The following ELAVL2 variants were observed in gnomAD, a reference collection of about 807,000 sequenced individuals.
ELAVL2 encodes ELAV-like protein 2.
Under a neutral mutation model 34.6 loss-of-function variants are expected in ELAVL2, and 4 were observed. The observed-to-expected ratio is 0.12, with a 90% CI of 0.06 to 0.26. ELAVL2 has a LOEUF of 0.26. Among genes scored for constraint, ELAVL2 ranks in the 10% least tolerant of loss-of-function variants. ELAVL2 has a pLI of 1.00. For missense variants in ELAVL2, 432 were observed against 442.8 expected, an observed-to-expected ratio of 0.98 and a Z score of 0.22; for synonymous variants, 193 against 154.8, an observed-to-expected ratio of 1.25 and a Z score of -1.83.
chr9:23,841,418 CAG>C, the ELAVL2 span, among the ~76,000 whole-genome samples: 4 of 151,914 alleles, frequency 2.6e-5, no homozygotes, highest in Non-Finnish European at 4.4e-5. Context: ...CACCACCAGA[CAG>C]AGTTTTTACT....
chr9:23,784,282 T>C (rs1276333540), intron 1 of ELAVL2, among the ~76,000 whole-genome samples: 1 of 152,112 alleles, frequency 6.6e-6, no homozygotes, highest in Non-Finnish European at 1.5e-5. Context: ...GAGAGACATA[T>C]TAAACAAGCC....
chr9:23,734,259 G>T (rs974673810), intron 2 of ELAVL2, among the ~76,000 whole-genome samples: 35 of 152,124 alleles, frequency 2.3e-4, no homozygotes, highest in African/African-American at 8.4e-4. Context: ...TATATTAAGG[G>T]TATCGCAGAT....
At chr9:23,734,266 A>G (rs1264663612) in intron 2 of ELAVL2, among the ~76,000 whole-genome samples, 3 of 152,228 alleles carry the variant, frequency 2.0e-5, no homozygotes, top group Admixed American at 2.0e-4. Flanking sequence ...AGGGTATCGC[A>G]GATGATACCA....
intron 2 of ELAVL2, among the ~76,000 whole-genome samples, chr9:23,753,450 C>T (rs1053648908): frequency 6.6e-6 from 1 of 151,924 alleles, no homozygotes; most frequent in South Asian, 2.1e-4. Flanking sequence ...AGGCTGGTGG[C>T]CAAAGCTGTG....
At chr9:23,735,112 A>AAG (rs2047537784) in intron 2 of ELAVL2, 1 of 144,986 alleles carries the variant, frequency 6.9e-6, no homozygotes, top group African/African-American at 2.5e-5. Context: ...CTTCAAAAAA[A>AAG]AAAAAAAAAA....
At chr9:23,701,140 T>C (rs117561609) in intron 5 of ELAVL2, among the ~76,000 whole-genome samples, 1,800 of 152,296 alleles carry the variant, frequency 0.012, 16 homozygotes, top group South Asian at 0.018. Context: ...AAAATCACCC[T>C]TGGTTAAGAA....
chr9:23,732,435 A>T (rs528798358), intron 2 of ELAVL2, among the ~76,000 whole-genome samples: 1 of 152,332 alleles, frequency 6.6e-6, no homozygotes, highest in Admixed American at 6.5e-5. Context: ...TTTAAAAAAG[A>T]GAAAGGAATA....
chr9:23,737,425 A>G (rs1008164285), intron 2 of ELAVL2, among the ~76,000 whole-genome samples: 4 of 152,226 alleles, frequency 2.6e-5, no homozygotes, highest in African/African-American at 7.2e-5. Flanking sequence ...GTTCATACGA[A>G]AAATTTCTAC....
chr9:23,760,357 G>A (rs1174435607), intron 2 of ELAVL2, among the ~76,000 whole-genome samples: 2 of 151,762 alleles, frequency 1.3e-5, no homozygotes, highest in Non-Finnish European at 2.9e-5. Context: ...TTAATAGTAA[G>A]GGGAGCTCTA....
intron 4 of ELAVL2, among the ~76,000 whole-genome samples, chr9:23,702,462 C>G (rs1048184943): frequency 6.6e-6 from 1 of 151,956 alleles, no homozygotes; most frequent in Non-Finnish European, 1.5e-5. Flanking sequence ...CCAGCTTATT[C>G]CATTTAATTA....
chr9:23,696,647 A>G (rs549658392), intron 5 of ELAVL2, among the ~76,000 whole-genome samples: 1 of 151,336 alleles, frequency 6.6e-6, no homozygotes, highest in East Asian at 2.0e-4. Context: ...TTTTTTTTGT[A>G]TTTTTAGTAG....
At chr9:23,769,417 T>C (rs891819970) in intron 1 of ELAVL2, among the ~76,000 whole-genome samples, 2 of 152,152 alleles carry the variant, frequency 1.3e-5, no homozygotes, top group Non-Finnish European at 2.9e-5. Context: ...AATCACTAAG[T>C]GGTATTTTCA....
chr9:23,739,983 G>C (rs995773059), intron 2 of ELAVL2, among the ~76,000 whole-genome samples: 1 of 151,966 alleles, frequency 6.6e-6, no homozygotes, highest in African/African-American at 2.4e-5. Context: ...TGTCAAGAAC[G>C]GGAAACTATA....
chr9:23,693,782 T>G (rs976795574), intron 5 of ELAVL2, among the ~76,000 whole-genome samples: 1 of 152,166 alleles, frequency 6.6e-6, no homozygotes, highest in African/African-American at 2.4e-5. Flanking sequence ...AACTTTAGGG[T>G]TCTCATCAGG....
rs897012149 is a variant in ELAVL2 at position 23,768,753 on chromosome 9, G to A, written c.-15-6504C>T. On this transcript the variant is annotated intron_variant, in intron 1 of 6. Coordinates refer to ENST00000397312, the MANE Select transcript of ELAVL2 (RefSeq NM_004432.5). ...ACAAATCCAAGCCTCTGGCCAGCAGGGTTATGGATATGGGCATGTGGAATT... is the reference window on the plus strand; with the variant it reads ...ACAAATCCAAGCCTCTGGCCAGCAGAGTTATGGATATGGGCATGTGGAATT... Among the ~76,000 whole-genome samples the A allele has an allele frequency of 2.0e-5, 3 of 152,064 alleles. No individual in the cohort carries two copies. The East Asian group carries it at 5.8e-4, about 29-fold the overall frequency.
At chr9:23,707,594 A>G (rs553704249) in intron 3 of ELAVL2, among the ~76,000 whole-genome samples, 4 of 152,256 alleles carry the variant, frequency 2.6e-5, no homozygotes, top group Admixed American at 1.3e-4. Context: ...CACAGGAGGC[A>G]GTGGAAATGT....
At chr9:23,715,952 C>A (rs2042180398) in intron 3 of ELAVL2, among the ~76,000 whole-genome samples, 1 of 152,096 alleles carries the variant, frequency 6.6e-6, no homozygotes, top group African/African-American at 2.4e-5. Flanking sequence ...TCATACACTT[C>A]TTCATCCATG....
intron 3 of ELAVL2, among the ~76,000 whole-genome samples, chr9:23,729,973 T>C (rs1231226375): frequency 6.6e-6 from 1 of 152,136 alleles, no homozygotes; most frequent in South Asian, 2.1e-4. Flanking sequence ...CTTCAGGCTA[T>C]AGTCTGAGCT....
intron 1 of ELAVL2, among the ~76,000 whole-genome samples, chr9:23,805,294 T>C (rs886985158): frequency 3.3e-5 from 5 of 152,146 alleles, no homozygotes; most frequent in Admixed American, 6.5e-5. Context: ...TACTAATAAA[T>C]AAAACGGTAC....
Sources: gnomAD v4.1 joint callset for allele counts (sites outside exome capture counted in the v4.1 genomes callset) on GRCh38, gnomAD v4.1.1 for gene constraint, MANE v1.5 for transcripts, NCBI Gene and HGNC (gene_info 2026-07-23, HGNC 2026-07-21) for gene names.